The following MAP3K2 variants were observed in gnomAD, a reference collection of about 807,000 sequenced individuals.
MAP3K2 encodes MAP/ERK kinase kinase 2.
In MAP3K2, 24 loss-of-function variants were observed where a neutral mutation model predicts 80.3. The ratio of observed to expected loss-of-function variants is 0.30; its 90% confidence interval spans 0.22 to 0.42. The LOEUF (loss-of-function observed/expected upper bound fraction) is 0.42. MAP3K2 is among the 10% of genes least tolerant of loss of function. The probability of loss-of-function intolerance (pLI) is 1.00; values close to 1 mark genes in which losing one functional copy is unlikely to be tolerated. For missense variants in MAP3K2, 608 were observed against 750.1 expected (o/e 0.81, Z 2.21); for synonymous variants, 244 against 253.7 (o/e 0.96, Z 0.36).
intron 1 of MAP3K2, among the ~76,000 whole-genome samples, chr2:127,371,204 G>A (rs1574006264): frequency 1.3e-5 from 2 of 152,138 alleles, no homozygotes; most frequent in Non-Finnish European, 1.5e-5. Flanking sequence ...AACAATTTTG[G>A]AGGCCAGCCA....
chr2:127,384,860 T>C (rs1687316469), intron 1 of MAP3K2, among the ~76,000 whole-genome samples: 1 of 151,976 alleles, frequency 6.6e-6, no homozygotes, highest in Admixed American at 6.6e-5. Flanking sequence ...TGTTCTTGAA[T>C]TCCTTGGCGC....
intron 1 of MAP3K2, among the ~76,000 whole-genome samples, chr2:127,366,339 G>A (rs1686970654): frequency 6.7e-6 from 1 of 150,280 alleles, no homozygotes; most frequent in East Asian, 1.9e-4. Context: ...CTTGAGCCCA[G>A]GAGTTTGAGT....
chr2:127,352,232 C>T (rs1453703238), intron 1 of MAP3K2, among the ~76,000 whole-genome samples: 1 of 152,078 alleles, frequency 6.6e-6, no homozygotes. Flanking sequence ...ATACAGAACA[C>T]TGCTACTTCC....
chr2:127,330,318 A>C (rs1686228566), intron 6 of MAP3K2, 74 bp downstream of exon 6: 4 of 684,094 alleles, frequency 5.8e-6, no homozygotes, highest in Non-Finnish European at 9.9e-6. Flanking sequence ...ATAGAATATA[A>C]TTATGTTTCA....
intron 5 of MAP3K2, among the ~76,000 whole-genome samples, chr2:127,335,597 C>T (rs1019193752): frequency 1.3e-5 from 2 of 152,136 alleles, no homozygotes; most frequent in African/African-American, 2.4e-5. Context: ...AGAATAAAAA[C>T]AAAACCATAA....
At chr2:127,350,992 T>C (rs1374185079) in intron 1 of MAP3K2, among the ~76,000 whole-genome samples, 4 of 152,126 alleles carry the variant, frequency 2.6e-5, no homozygotes, top group East Asian at 1.9e-4. Flanking sequence ...AATTGATTCA[T>C]AGGGAAGCAT....
chr2:127,375,891 A>G (rs1214063871), intron 1 of MAP3K2, among the ~76,000 whole-genome samples: 1 of 151,934 alleles, frequency 6.6e-6, no homozygotes, highest in African/African-American at 2.4e-5. Flanking sequence ...GTAACAATAT[A>G]GGTCACTCCT....
intron 1 of MAP3K2, among the ~76,000 whole-genome samples, chr2:127,353,656 C>T (rs561949973): frequency 7.2e-4 from 104 of 144,824 alleles, no homozygotes; most frequent in Non-Finnish European, 1.2e-3. Context: ...CCACCCCGTC[C>T]GGGAGGTGAG....
chr2:127,326,022 C>G (rs1017457915), intron 8 of MAP3K2, among the ~76,000 whole-genome samples: 74 of 152,078 alleles, frequency 4.9e-4, no homozygotes, highest in Admixed American at 1.6e-3. Flanking sequence ...TCCAGAGTTA[C>G]TCATTTTCAA....
intron 1 of MAP3K2, among the ~76,000 whole-genome samples, chr2:127,359,662 T>C (rs946884324): frequency 3.3e-5 from 5 of 152,222 alleles, no homozygotes; most frequent in African/African-American, 1.2e-4. Flanking sequence ...GACTGAATCA[T>C]GAGGGTGGTT....
intron 3 of MAP3K2, among the ~76,000 whole-genome samples, 164 bp from the exon 4 acceptor site, chr2:127,337,942 T>C (rs1446398935): frequency 6.6e-6 from 1 of 152,226 alleles, no homozygotes; most frequent in East Asian, 1.9e-4. Flanking sequence ...AAACAATTGA[T>C]AGTGTCTGCT....
rs781508258 is a variant in MAP3K2, at chr2:127,304,853, G to A, written c.*2726C>T. ...TTTATATATATTAACTTTTATTGTG[G>A]TTTTTGGTACCTTCACAACTTGTTT... On this transcript the variant is annotated 3_prime_UTR_variant, in exon 17 of 17. Transcript: ENST00000682094. 11 of 152,018 alleles carry A rather than the reference G, an allele frequency of 7.2e-5. No homozygotes were observed. The highest frequency in any genetic ancestry group is 1.5e-4 in the Non-Finnish European group (10 of 67,904). The allele number at this position is 152,018 out of a possible 1,614,324, so 9.4% of individuals were successfully genotyped here. A position where few individuals can be genotyped will look rare whatever the true frequency, so the allele number is the denominator to read the frequency against.
At chr2:127,324,887 A>T (rs73956520) in intron 9 of MAP3K2, among the ~76,000 whole-genome samples, 362 of 152,320 alleles carry the variant, frequency 2.4e-3, no homozygotes, top group African/African-American at 8.0e-3. Context: ...ACATTTTGCA[A>T]CTTTATCCTG....
Position 127,307,616 on chromosome 2 carries a change from T to A in MAP3K2, c.1823A>T (p.Asp608Val). Residue 608 changes from aspartate (D) to valine (V), a missense_variant, in exon 17 of 17, where the codon GAT becomes GTT. Physicochemically the swap from Asp to Val is radical, Grantham distance 152. Coordinates refer to ENST00000682094, the MANE Select transcript of MAP3K2 (RefSeq NM_001371910.2). This position sits in a 1 kb window ranked among gnomAD's most constrained non-coding sequence, Gnocchi z 5.4. ...CACAAACATGTGCCTTAAGAGTTCA[T>A]CAGCTGAAGGTCTCAGTTTGGCCTC... ...FVEAKLRPSA[D>V]ELLRHMFVHY... The A allele has an allele frequency of 6.3e-7, 1 of 1,580,932 alleles. No homozygotes were observed. The highest frequency in any genetic ancestry group is 1.2e-5 in the South Asian group (1 of 86,270).
chr2:127,317,522 G>A (rs1373745116), intron 14 of MAP3K2, 107 bp downstream of exon 14: 2 of 899,936 alleles, frequency 2.2e-6, no homozygotes, highest in East Asian at 2.9e-5. Flanking sequence ...CTTCCAAAAT[G>A]TCCTTAACTA....
intron 2 of MAP3K2, among the ~76,000 whole-genome samples, chr2:127,341,846 C>A (rs1280447004): frequency 6.6e-6 from 1 of 151,990 alleles, no homozygotes; most frequent in African/African-American, 2.4e-5. Flanking sequence ...GGGTTTCTGA[C>A]ACATGTTGGA....
rs1280944686 is a variant in MAP3K2, at chr2:127,299,776, T to C, written c.*7803A>G. On this transcript the variant is annotated 3_prime_UTR_variant, in exon 17 of 17. Transcript: ENST00000682094. ...AAAAACAAAATTTTAAAAATACTTT[T>C]GATCAGCCAGCTGAAAATATATTCA... 6.6e-6 allele frequency: 1 copy of C among 152,140 alleles called. No individual in the cohort carries two copies. Among genetic ancestry groups the C allele is most frequent in the African/African-American group, 2.4e-5 (1 of 41,440 alleles). 9.4% of individuals were successfully genotyped at this position (152,140 alleles called of 1,614,324 possible). A position where few individuals can be genotyped will look rare whatever the true frequency, so the allele number is the denominator to read the frequency against.
At chr2:127,341,530 G>GTTTTTTTTTTTTTTTTT (rs1341901292) in intron 2 of MAP3K2, among the ~76,000 whole-genome samples, 9 of 91,122 alleles carry the variant, frequency 9.9e-5, no homozygotes, top group Admixed American at 1.5e-4. Context: ...TTTTTTTGTT[G>GTTTTTTTTTTTTTTTTT]TTTTTTTTTT....
chr2:127,311,733 C>T (rs1685810984), intron 15 of MAP3K2, among the ~76,000 whole-genome samples: 1 of 151,714 alleles, frequency 6.6e-6, no homozygotes, highest in African/African-American at 2.4e-5. Context: ...TCTTATCACA[C>T]CCAAGAGGAT....
Sources: allele counts gnomAD v4.1 joint callset (sites outside exome capture counted in the v4.1 genomes callset), GRCh38; gene constraint gnomAD v4.1.1; non-coding constraint Gnocchi (gnomAD v3.1); transcripts MANE v1.5; gene names NCBI Gene and HGNC (gene_info 2026-07-23, HGNC 2026-07-21).